The following NRAP variants were observed in gnomAD, a reference collection of about 807,000 sequenced individuals.
NRAP encodes the protein nebulin-related-anchoring protein.
A neutral mutation model predicts 225.9 loss-of-function variants in NRAP; 189 were observed. The observed-to-expected ratio is 0.84, with a 90% CI of 0.74 to 0.94. NRAP has a LOEUF of 0.94. Ranked by LOEUF, NRAP falls within the 40% of genes least tolerant of loss-of-function variation. NRAP has a pLI of 0.00. For synonymous variants in NRAP, 769 were observed against 790.7 expected (o/e 0.97, Z 0.46); for missense variants, 2,176 against 2,168.7 (o/e 1.00, Z -0.07).
At chr10:113,660,100 T>G in intron 3 of NRAP, among the ~76,000 whole-genome samples, 1 of 150,110 alleles carries the variant, frequency 6.7e-6, no homozygotes, top group Admixed American at 6.6e-5. Context: ...TATACACATA[T>G]ATACATACAT....
chr10:113,614,404 T>A, intron 28 of NRAP, 108 bp from the exon 29 acceptor site: 2 of 807,402 alleles, frequency 2.5e-6, no homozygotes, highest in Non-Finnish European at 4.3e-6. Flanking sequence ...AGTAGCTGGG[T>A]GAGTTAAAAG....
At position 113,634,099 on chromosome 10, in the gene NRAP, G is replaced by A; in HGVS notation, c.1527+13C>T. ...AGACCCCTACATCCAGCTGGGCAGG[G>A]ACAGTTACTTACATGACTCAGCTGC... On this transcript the variant is annotated intron_variant, in intron 15 of 41. Transcript: ENST00000359988. 2 of 1,585,630 alleles carry A rather than the reference G, an allele frequency of 1.3e-6. No individual in the cohort carries two copies. Among genetic ancestry groups the A allele is most frequent in the Non-Finnish European group, 1.7e-6 (2 of 1,154,088 alleles).
At position 113,612,250 on chromosome 10, in the gene NRAP, T is replaced by A. The variant is rs1023125718; in HGVS notation, c.3482A>T (p.His1161Leu). 2 of 1,613,806 alleles carry A rather than the reference T, an allele frequency of 1.2e-6. No individual in the cohort carries two copies. Among genetic ancestry groups the A allele is most frequent in the Non-Finnish European group, 1.7e-6 (2 of 1,179,738 alleles). The change falls in exon 30 of 42, where the codon CAC (histidine) becomes CTC (leucine). Residue 1161 changes from histidine to leucine, a missense_variant. Around this residue, in one of 3 missense-constraint regions of NRAP, gnomAD observed 1,708 missense variants for 1,695.5 expected, o/e 1.01. Transcript: ENST00000359988. Reference protein sequence around the residue: ...DLRLSCAKKAHKLQSENLYRS... With the variant: ...DLRLSCAKKALKLQSENLYRS... The stretch of plus-strand genomic sequence containing the variant: ...TCTCCTTACCTCACTCTGCAATTTG[T>A]GAGCTTTCTTGGCACAGCTCAGCCT...
In NRAP at chr10:113,604,656, C is replaced by T. The variant is rs745556158; in HGVS notation, c.4180G>A (p.Asp1394Asn). 10 of 1,614,080 alleles carry T rather than the reference C, an allele frequency of 6.2e-6. No homozygotes were observed. In the African/African-American group the frequency reaches 1.3e-4, roughly 22 times the overall value. ...TTCTTGGCCCAGGCCATCTTCAGGT[C>T]CTCGGGCAGTGCTGTGAACTTGTGA... ...QYHKFTALPE[D>N]LKMAWAKKAH... Residue 1394 changes from aspartate to asparagine, a missense_variant, in exon 35 of 42, where the codon GAC (aspartate) becomes AAC (asparagine). Physicochemically the swap from Asp to Asn is conservative, Grantham distance 23. Coordinates refer to ENST00000359988, the MANE Select transcript of NRAP (RefSeq NM_198060.4).
At chr10:113,621,314 TACACACAC>T (rs5788033) in intron 24 of NRAP, among the ~76,000 whole-genome samples, 4 of 150,876 alleles carry the variant, frequency 2.7e-5, no homozygotes, top group South Asian at 2.1e-4. Context: ...AGGGTGTGTC[TACACACAC>T]ACACACACAC....
Position 113,657,485 on chromosome 10 carries a change from C to T in NRAP, c.345G>A (p.Gln115=). 1 of 1,587,014 alleles carries T rather than the reference C, an allele frequency of 6.3e-7. No individual in the cohort carries two copies. The highest frequency in any genetic ancestry group is 1.7e-5 in the Admixed American group (1 of 59,936). ...TTTCTCTCACCTCATTTGCCAGTGG[C>T]TGCCTGTTAGGTGCACCTTCCTTAT... is the stretch of plus-strand genomic sequence containing the variant. ...SKDKEGAPNR[Q]PLANERAYWT... Residue 115 remains glutamine, a synonymous_variant, in exon 4 of 42, where the codon CAG becomes CAA. Transcript: ENST00000359988.
chr10:113,591,026 G>T (rs1845950368), intron 39 of NRAP, 137 bp from the exon 40 acceptor site: 5 of 679,610 alleles, frequency 7.4e-6, no homozygotes, highest in Non-Finnish European at 1.2e-5. Flanking sequence ...GATTCAAATA[G>T]ACCTATCTGT....
intron 9 of NRAP, among the ~76,000 whole-genome samples, chr10:113,647,648 CCCGG>C: frequency 6.7e-6 from 1 of 149,454 alleles, no homozygotes; most frequent in Non-Finnish European, 1.5e-5. Flanking sequence ...ACTGTCTCCC[CCCGG>C]TGGTACTGCC....
chr10:113,594,177 A>C (rs1846152583), intron 38 of NRAP, among the ~76,000 whole-genome samples: 1 of 152,148 alleles, frequency 6.6e-6, no homozygotes, highest in Admixed American at 6.5e-5. Flanking sequence ...TTTGATTTTT[A>C]GTTATTTCGG....
Position 113,640,236 on chromosome 10 carries a change from G to C in NRAP, c.1419C>G (p.Pro473=). Residue 473 remains proline, a synonymous_variant, in exon 14 of 42, where the codon CCC becomes CCG. Transcript: ENST00000359988. ...PSYQTAMKLV[P]LKDANYRQSI... ...TTGGAAAAGAACTTACATCTTTCAAGGGCACCAGTTTCATAGCTGTTTGAT... is the reference window on the plus strand; with the variant it reads ...TTGGAAAAGAACTTACATCTTTCAACGGCACCAGTTTCATAGCTGTTTGAT... 2 of 1,589,786 alleles carry C rather than the reference G, an allele frequency of 1.3e-6. No individual in the cohort carries two copies. Among genetic ancestry groups the C allele is most frequent in the Non-Finnish European group, 1.7e-6 (2 of 1,163,766 alleles).
chr10:113,610,495 A>C lies in NRAP; in HGVS notation c.3567T>G (p.Ile1189Met). The C allele has an allele frequency of 1.9e-6, 3 of 1,597,358 alleles. No homozygotes were observed. Among genetic ancestry groups the C allele is most frequent in the Non-Finnish European group, 2.6e-6 (3 of 1,164,990 alleles). ...VACVIPGTLE[I>M]EGRKKASELI... ...GTTCCGATGCTTTCTTCCTCCCTTC[A>C]ATCTCTAACGTGCCTGGAATGACAC... is the stretch of plus-strand genomic sequence containing the variant. Residue 1189 changes from isoleucine to methionine, a missense_variant, in exon 31 of 42, where the codon ATT becomes ATG. Transcript: ENST00000359988.
In NRAP at chr10:113,597,197, G is replaced by A. The variant is rs907702178; in HGVS notation, c.4333-13C>T. The stretch of plus-strand genomic sequence containing the variant: ...TACGGTACTTGGTCTATAAGATAAA[G>A]ACAAAGATTCTCATGAAACACAGTC... On this transcript the variant is annotated splice_polypyrimidine_tract_variant and intron_variant, in intron 36 of 41. Transcript: ENST00000359988. 6.5e-7 allele frequency: 1 copy of A among 1,543,668 alleles called. No individual in the cohort carries two copies. Among genetic ancestry groups the A allele is most frequent in the South Asian group, 1.1e-5 (1 of 89,640 alleles).
At position 113,615,818 on chromosome 10, in the gene NRAP, T is replaced by C; in HGVS notation, c.2974-2A>G. On this transcript the variant is annotated splice_acceptor_variant, in intron 26 of 41. Coordinates refer to ENST00000359988, the MANE Select transcript of NRAP (RefSeq NM_198060.4). LOFTEE classifies it high-confidence loss of function. ...TTCTCCTTGTTCCCTGTATAATCTC[T>C]GTGGATGGAAGGAGGTTTTGCATGA... is the stretch of plus-strand genomic sequence containing the variant. 2 of 1,531,048 alleles carry C rather than the reference T, an allele frequency of 1.3e-6. No individual in the cohort carries two copies. The highest frequency in any genetic ancestry group is 1.8e-6 in the Non-Finnish European group (2 of 1,104,284). 94.8% of individuals were successfully genotyped at this position (1,531,048 alleles called of 1,614,324 possible). A position where few individuals can be genotyped will look rare whatever the true frequency, so the allele number is the denominator to read the frequency against.
At chr10:113,617,400 G>C (rs1847731401) in intron 26 of NRAP, 55 bp downstream of exon 26, 1 of 1,050,966 alleles carries the variant, frequency 9.5e-7, no homozygotes, top group Non-Finnish European at 1.5e-6. Context: ...TTCAATCGCA[G>C]TGTTGAAAGA....
chr10:113,604,666 T>G lies in NRAP; in HGVS notation c.4170A>C (p.Ala1390=). Residue 1390 remains alanine (A), a synonymous_variant, in exon 35 of 42, where the codon GCA becomes GCC. Transcript: ENST00000359988. ...DYRTQYHKFT[A]LPEDLKMAWA... ...AGGCCATCTTCAGGTCCTCGGGCAG[T>G]GCTGTGAACTTGTGATACTGTGTCC... 1 of 1,614,160 alleles carries G rather than the reference T, an allele frequency of 6.2e-7. No individual in the cohort carries two copies.
intron 2 of NRAP, among the ~76,000 whole-genome samples, 178 bp downstream of exon 2, chr10:113,663,174 G>C (rs140534497): frequency 1.1e-4 from 17 of 152,252 alleles, no homozygotes; most frequent in Non-Finnish European, 2.1e-4. Flanking sequence ...TTGAAGTTTT[G>C]TGTCCATTGC....
chr10:113,605,796 T>G lies in NRAP; in HGVS notation c.3881A>C (p.Gln1294Pro). 6.2e-7 allele frequency: 1 copy of G among 1,613,998 alleles called. No homozygotes were observed. Among genetic ancestry groups the G allele is most frequent in the Admixed American group, 1.7e-5 (1 of 60,026 alleles). Residue 1294 changes from glutamine (Q) to proline (P), a missense_variant, in exon 34 of 42, where the codon CAG becomes CCG. Physicochemically the swap from Gln to Pro is moderately conservative, Grantham distance 76. This residue lies in a region of NRAP where 1,708 missense variants were observed against 1,695.5 expected (regional missense o/e 1.01). Coordinates refer to ENST00000359988, the MANE Select transcript of NRAP (RefSeq NM_198060.4). Reference protein sequence around the residue: ...YKLTIEALPFQAARASGDIAS... With the variant: ...YKLTIEALPFPAARASGDIAS... ...TATATCTCCAGAGGCCCGGGCAGCC[T>G]GGAAGGGGAGCGCTTCTATTGTCAG...
chr10:113,633,476 T>A (rs998317092), intron 15 of NRAP, among the ~76,000 whole-genome samples: 1 of 152,198 alleles, frequency 6.6e-6, no homozygotes, highest in African/African-American at 2.4e-5. Flanking sequence ...TTGAACTTTT[T>A]AAAAAACATT....
At chr10:113,638,097 G>A (rs1368586765) in intron 14 of NRAP, among the ~76,000 whole-genome samples, 1 of 152,008 alleles carries the variant, frequency 6.6e-6, no homozygotes, top group African/African-American at 2.4e-5. Context: ...TATTAATTCA[G>A]GAGGCAAAAT....
Sources: gnomAD v4.1 joint callset for allele counts (sites outside exome capture counted in the v4.1 genomes callset) on GRCh38, gnomAD v4.1.1 for gene constraint, gnomAD v4.1.1 regional missense constraint, MANE v1.5 for transcripts, NCBI Gene and HGNC (gene_info 2026-07-23, HGNC 2026-07-21) for gene names.